The following KAT6A variants were observed in gnomAD, a reference collection of about 807,000 sequenced individuals.
KAT6A encodes lysine acetyltransferase 6A, also known as histone acetyltransferase KAT6A.
A neutral mutation model predicts 198.4 loss-of-function variants in KAT6A; 9 were observed. The ratio of observed to expected loss-of-function variants is 0.05; its 90% CI spans 0.03 to 0.08. The LOEUF is 0.08. Among genes scored for constraint, KAT6A ranks in the 10% least tolerant of loss-of-function variants. The pLI is 1.00. For synonymous variants in KAT6A, 890 were observed against 883.0 expected (o/e 1.01, Z -0.14); for missense variants, 2,077 against 2,509.9 (o/e 0.83, Z 3.69).
chr8:42,013,029 G>A, intron 2 of KAT6A, among the ~76,000 whole-genome samples: 1 of 150,408 alleles, frequency 6.6e-6, no homozygotes, highest in African/African-American at 2.4e-5. Context: ...TAGCTCAGTG[G>A]TTTGCCAGGG....
chr8:41,983,434 T>C (rs1196811338), intron 3 of KAT6A, among the ~76,000 whole-genome samples: 1 of 152,256 alleles, frequency 6.6e-6, no homozygotes, highest in Non-Finnish European at 1.5e-5. Context: ...AAGCTCTGCA[T>C]GACTGTAATT....
rs140560177 is a variant in KAT6A, at chr8:41,933,035, T to C, written c.5185A>G (p.Ile1729Val). 4.3e-6 allele frequency: 7 copies of C among 1,613,994 alleles called. No individual in the cohort carries two copies. In the East Asian group the frequency reaches 1.1e-4, roughly 26 times the overall value. ...EIPESGSTGNISIYERIPGDF... is the reference protein window; with the variant it reads ...EIPESGSTGNVSIYERIPGDF... ...CCTGGAATCCTCTCATAGATACTTATGTTCCCAGTGCTTCCAGATTCTGGT... is the reference window on the plus strand; with the variant it reads ...CCTGGAATCCTCTCATAGATACTTACGTTCCCAGTGCTTCCAGATTCTGGT... The change falls in exon 17 of 17, where the codon ATA (isoleucine) becomes GTA (valine). Residue 1729 changes from isoleucine to valine, a missense_variant. Physicochemically the swap from Ile to Val is conservative, Grantham distance 29. This residue lies in a region of KAT6A where 500 missense variants were observed against 577.2 expected (regional missense o/e 0.87). Transcript: ENST00000265713. This position sits in a 1 kb window ranked among gnomAD's most constrained non-coding sequence, Gnocchi z 6.2.
chr8:41,981,666 C>A (rs1355310263), intron 4 of KAT6A, among the ~76,000 whole-genome samples, 173 bp downstream of exon 4: 2 of 152,150 alleles, frequency 1.3e-5, no homozygotes, highest in African/African-American at 2.4e-5. Flanking sequence ...TAACTGAAGT[C>A]TAAATTAGCA....
intron 8 of KAT6A, among the ~76,000 whole-genome samples, chr8:41,968,821 T>C (rs934314181): frequency 6.6e-6 from 1 of 152,198 alleles, no homozygotes; most frequent in Non-Finnish European, 1.5e-5. Context: ...GTGGCTCTTT[T>C]TCATGGAAGT....
intron 6 of KAT6A, chr8:41,977,535 T>C: frequency 2.2e-6 from 1 of 450,268 alleles, no homozygotes. Context: ...CTACTTATAG[T>C]GCAAAGAATG....
At position 41,932,091 on chromosome 8, in the gene KAT6A, C is replaced by G. The variant is rs775477401; in HGVS notation, c.*114G>C. Reference sequence around the variant, plus strand: ...TAAAATAAACCAAAGAAAAATTCCTCTAAATCTACAGCAATATTTTAACTG... The same window carrying G: ...TAAAATAAACCAAAGAAAAATTCCTGTAAATCTACAGCAATATTTTAACTG... On this transcript the variant is annotated 3_prime_UTR_variant, in exon 17 of 17. Coordinates refer to ENST00000265713, the MANE Select transcript of KAT6A (RefSeq NM_006766.5). 69 of 1,022,522 alleles carry G rather than the reference C, an allele frequency of 6.7e-5. No homozygotes were observed. The highest frequency in any genetic ancestry group is 8.2e-5 in the Non-Finnish European group (64 of 779,520). The allele number at this position is 1,022,522 out of a possible 1,614,324, so 63.3% of individuals were successfully genotyped here.
At chr8:42,005,164 T>C (rs1265385004) in intron 2 of KAT6A, among the ~76,000 whole-genome samples, 2 of 152,198 alleles carry the variant, frequency 1.3e-5, no homozygotes. Context: ...TATAAAGCCA[T>C]TATAAATATT....
At position 41,933,576 on chromosome 8, in the gene KAT6A, G is replaced by A. The variant is rs369899898; in HGVS notation, c.4644C>T (p.Ser1548=). 21 of 1,613,994 alleles carry A rather than the reference G, an allele frequency of 1.3e-5. No homozygotes were observed. Among genetic ancestry groups the A allele is most frequent in the African/African-American group, 5.3e-5 (4 of 74,894 alleles). The part of the protein sequence containing the change: ...VSDHSQQVVD[S]GFSDLGSIES... ...CAATGCTGCCCAGGTCACTGAAGCC[G>A]CTGTCCACCACCTGCTGAGAGTGGT... is the stretch of plus-strand genomic sequence containing the variant. Residue 1548 remains serine (S), a synonymous_variant, in exon 17 of 17, where the codon AGC becomes AGT. Transcript: ENST00000265713. The surrounding 1 kb of genome is among the most constrained non-coding windows in gnomAD (Gnocchi z 6.2).
chr8:41,976,641 T>C (rs990414214), intron 7 of KAT6A, among the ~76,000 whole-genome samples: 4 of 152,218 alleles, frequency 2.6e-5, no homozygotes, highest in African/African-American at 9.7e-5. Context: ...TCTTTCCAGT[T>C]TCCTTCCTGG....
chr8:42,030,942 ATGAAGTGCATGAGCATATAT>A (rs563371125), intron 2 of KAT6A, among the ~76,000 whole-genome samples: 40 of 148,148 alleles, frequency 2.7e-4, no homozygotes, highest in African/African-American at 8.2e-4. Context: ...CAACATTGTT[ATGAAGTGCATGAGCATATAT>A]TGTTAAGTGG....
rs749646085 is a variant in KAT6A, at chr8:41,943,013, A to G, written c.2229-13T>C. 1.9e-6 allele frequency: 3 copies of G among 1,613,606 alleles called. No individual in the cohort carries two copies. The African/African-American group carries it at 4.0e-5, about 22-fold the overall frequency. ...GATAATCACAAATCTGGAACCAGAG[A>G]AAAGTTTATAGCAATCAACAATGTA... On this transcript the variant is annotated splice_polypyrimidine_tract_variant and intron_variant, in intron 13 of 16. Transcript: ENST00000265713.
At chr8:41,973,409 G>A (rs376451053) in intron 8 of KAT6A, among the ~76,000 whole-genome samples, 1 of 151,996 alleles carries the variant, frequency 6.6e-6, no homozygotes, top group Non-Finnish European at 1.5e-5. Flanking sequence ...TAGTAGAGAC[G>A]GGGTTTCACC....
Position 41,930,682 on chromosome 8 carries a change from ATGTGTGTGTGTG to A in KAT6A, c.*1511_*1522del, listed in dbSNP as rs1167805914. Reference sequence around the variant, plus strand: ...AATGATGGAATATATATATATATATATGTGTGTGTGTGTGTGTGTGTGTGTGTGTATATATAT... The same window carrying A: ...AATGATGGAATATATATATATATATATGTGTGTGTGTGTGTGTATATATAT... On this transcript the variant is annotated 3_prime_UTR_variant, in exon 17 of 17. Coordinates refer to ENST00000265713, the MANE Select transcript of KAT6A (RefSeq NM_006766.5). 5 of 91,776 alleles carry A rather than the reference ATGTGTGTGTGTG, an allele frequency of 5.4e-5. No homozygotes were observed. Among genetic ancestry groups the A allele is most frequent in the East Asian group, 5.2e-4 (2 of 3,834 alleles). The allele number at this position is 91,776 out of a possible 1,614,324, so 5.7% of individuals were successfully genotyped here.
Position 41,977,301 on chromosome 8 carries a change from C to T in KAT6A, c.1070G>A (p.Arg357Gln), listed in dbSNP as rs372273756. The T allele has an allele frequency of 1.5e-5, 25 of 1,613,638 alleles. No homozygotes were observed. Among genetic ancestry groups the T allele is most frequent in the South Asian group, 2.2e-5 (2 of 91,044 alleles). The change falls in exon 7 of 17, where the codon CGA (arginine) becomes CAA (glutamine). Residue 357 changes from arginine (R) to glutamine (Q), a missense_variant. Physicochemically the swap from Arg to Gln is conservative, Grantham distance 43. Coordinates refer to ENST00000265713, the MANE Select transcript of KAT6A (RefSeq NM_006766.5). ...TVSKGPFSKVRTGPGRGRKRK... is the reference protein window; with the variant it reads ...TVSKGPFSKVQTGPGRGRKRK... Reference sequence around the variant, plus strand: ...TTTCCTACCCCTTCCAGGGCCAGTTCGAACTTTGCTGAAGGGACCTTTTGA... The same window carrying T: ...TTTCCTACCCCTTCCAGGGCCAGTTTGAACTTTGCTGAAGGGACCTTTTGA...
intron 2 of KAT6A, among the ~76,000 whole-genome samples, chr8:42,014,549 T>C (rs1326825179): frequency 1.3e-5 from 2 of 152,124 alleles, no homozygotes; most frequent in Non-Finnish European, 2.9e-5. Flanking sequence ...TTAAAACACA[T>C]AGATAATTAA....
chr8:42,010,366 T>C (rs1315490746), intron 2 of KAT6A, among the ~76,000 whole-genome samples: 1 of 152,174 alleles, frequency 6.6e-6, no homozygotes, highest in Non-Finnish European at 1.5e-5. Flanking sequence ...GAGTAAACAT[T>C]GTATCAGAGC....
intron 4 of KAT6A, 39 bp from the exon 5 acceptor site, chr8:41,980,966 T>A: frequency 7.3e-7 from 1 of 1,362,314 alleles, no homozygotes; most frequent in Non-Finnish European, 1.0e-6. Flanking sequence ...CTTAACCTTA[T>A]GAAGCAGAAA....
At position 41,958,773 on chromosome 8, in the gene KAT6A, G is replaced by A. The variant is rs926720762; in HGVS notation, c.1483-3362C>T. Among the ~76,000 whole-genome samples, 3 of 152,166 alleles carry A rather than the reference G, an allele frequency of 2.0e-5. 1 individual carries two copies. The highest frequency in any genetic ancestry group is 1.9e-4 in the East Asian group (1 of 5,190). On this transcript the variant is annotated intron_variant, in intron 8 of 16. Coordinates refer to ENST00000265713, the MANE Select transcript of KAT6A (RefSeq NM_006766.5). ...AAGCATATGAATATTCACATTAACT[G>A]GCATAAGTAAGGAATACAAATAGTC...
chr8:41,963,571 C>T (rs754816544), intron 8 of KAT6A, among the ~76,000 whole-genome samples: 4 of 152,168 alleles, frequency 2.6e-5, no homozygotes, highest in Middle Eastern at 3.2e-3. Context: ...TCTCTTCTAC[C>T]TTCATTTAGG....
Sources: gnomAD v4.1 joint callset for allele counts (sites outside exome capture counted in the v4.1 genomes callset) on GRCh38, gnomAD v4.1.1 for gene constraint, gnomAD v4.1.1 regional missense constraint, Gnocchi (gnomAD v3.1) non-coding constraint, MANE v1.5 for transcripts, NCBI Gene and HGNC (gene_info 2026-07-23, HGNC 2026-07-21) for gene names.